Variants in SLC35F3 observed in about 807,000 individuals in gnomAD.
SLC35F3 encodes putative thiamine transporter SLC35F3.
SLC35F3 carries 25 observed loss-of-function variants against 49.9 expected under a neutral mutation model. The ratio of observed to expected loss-of-function variants is 0.50; its 90% CI spans 0.37 to 0.70. The LOEUF (loss-of-function observed/expected upper bound fraction) is 0.70. Ranked by LOEUF, SLC35F3 falls within the 30% of genes least tolerant of loss-of-function variation. The pLI is 0.00. For synonymous variants in SLC35F3, 275 were observed against 265.4 expected, an observed-to-expected ratio of 1.04 and a Z score of -0.35; for missense variants, 525 against 639.8, an observed-to-expected ratio of 0.82 and a Z score of 1.94.
intron 2 of SLC35F3, among the ~76,000 whole-genome samples, chr1:234,189,806 G>A (rs923355015): frequency 1.1e-4 from 17 of 152,158 alleles, no homozygotes; most frequent in Non-Finnish European, 8.8e-5. Flanking sequence ...AGAATCGTAA[G>A]AGCTGTAAGG....
intron 2 of SLC35F3, among the ~76,000 whole-genome samples, chr1:233,995,325 A>G (rs1663439895): frequency 6.6e-6 from 1 of 152,148 alleles, no homozygotes; most frequent in Non-Finnish European, 1.5e-5. Flanking sequence ...AGGGCAGAGA[A>G]TGGTTTGTTG....
At chr1:234,305,752 GT>G (rs757872717) in intron 3 of SLC35F3, among the ~76,000 whole-genome samples, 10 of 152,026 alleles carry the variant, frequency 6.6e-5, no homozygotes, top group Non-Finnish European at 1.3e-4. Context: ...AAAAGTTTTC[GT>G]TTCCCACTCA....
chr1:234,123,856 C>G (rs1665610662), intron 2 of SLC35F3, among the ~76,000 whole-genome samples: 1 of 152,184 alleles, frequency 6.6e-6, no homozygotes, highest in African/African-American at 2.4e-5. Flanking sequence ...ACAAAGGGCC[C>G]TGGTGAGTAG....
chr1:233,966,052 C>T (rs973758921), intron 2 of SLC35F3, among the ~76,000 whole-genome samples: 3 of 152,084 alleles, frequency 2.0e-5, no homozygotes, highest in Non-Finnish European at 4.4e-5. Flanking sequence ...TAGAGAGTGG[C>T]CAAGACCAGC....
intron 3 of SLC35F3, among the ~76,000 whole-genome samples, chr1:234,268,290 C>T (rs1668034570): frequency 6.7e-6 from 1 of 150,070 alleles, no homozygotes; most frequent in Non-Finnish European, 1.5e-5. Flanking sequence ...CCGTCTCCAC[C>T]AAAAAAAAAC....
chr1:234,084,228 C>G (rs1664926864), intron 2 of SLC35F3, among the ~76,000 whole-genome samples: 1 of 151,682 alleles, frequency 6.6e-6, no homozygotes, highest in Non-Finnish European at 1.5e-5. Flanking sequence ...TAGACACACA[C>G]ACACACACAC....
chr1:234,305,760 C>G (rs183710155), intron 3 of SLC35F3, among the ~76,000 whole-genome samples: 2 of 152,182 alleles, frequency 1.3e-5, no homozygotes, highest in African/African-American at 2.4e-5. Flanking sequence ...TCGTTTCCCA[C>G]TCATATTTCA....
intron 2 of SLC35F3, among the ~76,000 whole-genome samples, chr1:233,956,966 C>G (rs1351390202): frequency 6.6e-6 from 1 of 152,242 alleles, no homozygotes; most frequent in African/African-American, 2.4e-5. Context: ...GACCATGCAT[C>G]ATGCAGGAGT....
At chr1:234,154,377 A>T (rs1466809534) in intron 2 of SLC35F3, among the ~76,000 whole-genome samples, 1 of 152,228 alleles carries the variant, frequency 6.6e-6, no homozygotes, top group Non-Finnish European at 1.5e-5. Flanking sequence ...CTCATAAAAT[A>T]TTTTATGTAT....
At chr1:233,950,853 T>C (rs565525240) in intron 2 of SLC35F3, among the ~76,000 whole-genome samples, 2 of 152,172 alleles carry the variant, frequency 1.3e-5, no homozygotes, top group African/African-American at 4.8e-5. Flanking sequence ...GTTGGTTTTT[T>C]TTCCCCCTGC....
intron 2 of SLC35F3, among the ~76,000 whole-genome samples, chr1:234,155,342 A>G (rs1028108292): frequency 4.6e-5 from 7 of 151,578 alleles, no homozygotes; most frequent in African/African-American, 1.7e-4. Flanking sequence ...CCCTTCTTTT[A>G]AAGGATGTTG....
chr1:234,253,051 C>A (rs1026398754), intron 3 of SLC35F3, among the ~76,000 whole-genome samples: 6 of 152,142 alleles, frequency 3.9e-5, no homozygotes, highest in African/African-American at 1.4e-4. Context: ...GCTGGCCAGG[C>A]GCAGTGGCTC....
At chr1:234,207,409 C>CCTT (rs369165226) in intron 2 of SLC35F3, among the ~76,000 whole-genome samples, 7 of 34,022 alleles carry the variant, frequency 2.1e-4, no homozygotes, top group Non-Finnish European at 3.2e-4. Context: ...CTCCCTCCCT[C>CCTT]CTTCCTTTCT....
At chr1:234,040,688 G>A (rs1664206414) in intron 2 of SLC35F3, among the ~76,000 whole-genome samples, 1 of 152,258 alleles carries the variant, frequency 6.6e-6, no homozygotes, top group Non-Finnish European at 1.5e-5. Context: ...TCACCTGGAT[G>A]ACAAGGCTGC....
chr1:234,078,143 G>A (rs1322580532), intron 2 of SLC35F3, among the ~76,000 whole-genome samples: 1 of 152,116 alleles, frequency 6.6e-6, no homozygotes, highest in African/African-American at 2.4e-5. Context: ...CTGCCCCTGT[G>A]CATTCATCTT....
chr1:234,099,109 G>C (rs1665176067), intron 2 of SLC35F3, among the ~76,000 whole-genome samples: 1 of 152,070 alleles, frequency 6.6e-6, no homozygotes, highest in African/African-American at 2.4e-5. Flanking sequence ...CACATGTTCT[G>C]TTACAGAGGG....
At chr1:234,209,084 A>G (rs1220563676) in intron 2 of SLC35F3, among the ~76,000 whole-genome samples, 1 of 152,206 alleles carries the variant, frequency 6.6e-6, no homozygotes, top group East Asian at 1.9e-4. Context: ...TAGGTGCCCA[A>G]TGATCTCATC....
At chr1:234,133,244 TC>T (rs2102899251) in intron 2 of SLC35F3, among the ~76,000 whole-genome samples, 1 of 152,314 alleles carries the variant, frequency 6.6e-6, no homozygotes, top group South Asian at 2.1e-4. Context: ...AGATCATTTT[TC>T]CCCAAAGAAT....
chr1:234,225,269 G>A (rs1026872657), intron 2 of SLC35F3, among the ~76,000 whole-genome samples: 4 of 152,166 alleles, frequency 2.6e-5, no homozygotes, highest in Non-Finnish European at 4.4e-5. Flanking sequence ...GATAAACAAA[G>A]CCTGAAATGG....
Sources: gnomAD v4.1 joint callset for allele counts (sites outside exome capture counted in the v4.1 genomes callset) on GRCh38, gnomAD v4.1.1 for gene constraint, MANE v1.5 for transcripts, NCBI Gene and HGNC (gene_info 2026-07-23, HGNC 2026-07-21) for gene names.